Variants in BCR observed in about 807,000 individuals in gnomAD.
The protein encoded by BCR is breakpoint cluster region protein.
Under a neutral mutation model 138.6 loss-of-function variants are expected in BCR, and 58 were observed. The ratio of observed to expected loss-of-function variants is 0.42; its 90% CI spans 0.34 to 0.52. The LOEUF is 0.52. Ranked by LOEUF, BCR falls within the 20% of genes least tolerant of loss-of-function variation. The probability of loss-of-function intolerance (pLI) is 0.06; values close to 1 mark genes in which losing one functional copy is unlikely to be tolerated. For synonymous variants in BCR, 786 were observed against 730.1 expected (o/e 1.08, Z -1.23); for missense variants, 1,599 against 1,727.2 (o/e 0.93, Z 1.32).
intron 1 of BCR, among the ~76,000 whole-genome samples, chr22:23,249,652 C>T (rs961548619): frequency 2.6e-5 from 4 of 151,284 alleles, no homozygotes; most frequent in Non-Finnish European, 5.9e-5. Context: ...TGAAAAACTG[C>T]GTTTTGAAAA....
chr22:23,296,971 C>T (rs1030622297), intron 16 of BCR, among the ~76,000 whole-genome samples: 6 of 152,118 alleles, frequency 3.9e-5, no homozygotes, highest in African/African-American at 2.4e-5. Flanking sequence ...AGTCAAATGA[C>T]GGTCATAGTT....
chr22:23,282,520 G>A (rs1568971783), intron 8 of BCR, among the ~76,000 whole-genome samples: 5 of 152,234 alleles, frequency 3.3e-5, no homozygotes, highest in Admixed American at 2.6e-4. Flanking sequence ...CGGAGGACTG[G>A]CCCAGGCTGT....
chr22:23,187,974 G>A (rs1041637855), intron 1 of BCR, among the ~76,000 whole-genome samples: 7 of 152,148 alleles, frequency 4.6e-5, no homozygotes, highest in Non-Finnish European at 8.8e-5. Context: ...ATGAGTTGGC[G>A]CCAGAGTGAC....
rs2073873551 is a variant in BCR at position 23,298,746 on chromosome 22, C to T, written c.3012+3591C>T. 7.2e-5 allele frequency among the ~76,000 whole-genome samples: 11 copies of T among 152,286 alleles called. No individual in the cohort carries two copies. The South Asian group carries it at 2.3e-3, about 32-fold the overall frequency. ...GAATAGCTGTTATTACAGGCATGTGCCACCACGCCTGGCTAATTTTTTTGT... is the reference window on the plus strand; with the variant it reads ...GAATAGCTGTTATTACAGGCATGTGTCACCACGCCTGGCTAATTTTTTTGT... On this transcript the variant is annotated intron_variant, in intron 16 of 22. Transcript: ENST00000305877.
chr22:23,254,602 G>T (rs767131186), intron 2 of BCR: 2 of 518,958 alleles, frequency 3.9e-6, no homozygotes, highest in Non-Finnish European at 7.7e-6. Context: ...GCCCGGGCTG[G>T]TTGCAGGCTG....
chr22:23,271,585 T>C lies in BCR; in HGVS notation c.1914T>C (p.Ser638=), dbSNP rs772056584. ...KDAKDPTTKN[S]LETLLYKPVD... Reference sequence around the variant, plus strand: ...CCAAGGATCCAACGACCAAGAACTCTCTGGAAAGTGAGTTCTGCATGCTGA... The same window carrying C: ...CCAAGGATCCAACGACCAAGAACTCCCTGGAAAGTGAGTTCTGCATGCTGA... The change falls in exon 6 of 23, where the codon TCT becomes TCC. Residue 638 remains serine (S), a synonymous_variant. Coordinates refer to ENST00000305877, the MANE Select transcript of BCR (RefSeq NM_004327.4). 2.0e-5 allele frequency: 32 copies of C among 1,613,814 alleles called. No individual in the cohort carries two copies. The highest frequency in any genetic ancestry group is 2.7e-5 in the Non-Finnish European group (32 of 1,179,872).
At chr22:23,314,174 T>TTGTCTGCA in intron 21 of BCR, 101 bp downstream of exon 21, 1 of 969,546 alleles carries the variant, frequency 1.0e-6, no homozygotes, top group Non-Finnish European at 1.6e-6. Flanking sequence ...CCTTTTCTCC[T>TTGTCTGCA]GACCCTTGTC....
chr22:23,197,209 G>A (rs5759638), intron 1 of BCR, among the ~76,000 whole-genome samples: 54,623 of 151,984 alleles, frequency 0.36, 11,044 homozygotes, highest in African/African-American at 0.56. Context: ...TATTCAGTAC[G>A]GTAACATGCT....
At chr22:23,258,776 A>G (rs926566553) in intron 2 of BCR, among the ~76,000 whole-genome samples, 37 of 152,250 alleles carry the variant, frequency 2.4e-4, no homozygotes, top group Non-Finnish European at 4.7e-4. Context: ...CTCCGGGCCT[A>G]GATGTCAGCG....
At position 23,315,819 on chromosome 22, in the gene BCR, G is replaced by A. The variant is rs1042660; in HGVS notation, c.*297G>A. The A allele has an allele frequency of 0.019, 9,255 of 490,822 alleles. 144 individuals are homozygous for A. The highest frequency in any genetic ancestry group is 0.05 in the Admixed American group (1,555 of 31,364). 30.4% of individuals were successfully genotyped at this position (490,822 alleles called of 1,614,324 possible). ...CCCTGGGAGACAGGGTGAAGGGAGT[G>A]GTTTTTATGAACTTAACTTAGAGTC... On this transcript the variant is annotated 3_prime_UTR_variant, in exon 23 of 23. Coordinates refer to ENST00000305877, the MANE Select transcript of BCR (RefSeq NM_004327.4).
intron 1 of BCR, among the ~76,000 whole-genome samples, chr22:23,215,032 A>G (rs779879895): frequency 4.6e-5 from 7 of 152,060 alleles, no homozygotes; most frequent in Non-Finnish European, 1.0e-4. Flanking sequence ...ATCCTACTCT[A>G]TGTCTATGAA....
chr22:23,234,788 G>C lies in BCR; in HGVS notation c.1280-19011G>C, dbSNP rs917454355. Among the ~76,000 whole-genome samples the C allele has an allele frequency of 1.4e-5, 2 of 139,580 alleles. 1 individual carries two copies. Among genetic ancestry groups the C allele is most frequent in the Admixed American group, 1.5e-4 (2 of 13,776 alleles). 91.6% of individuals were successfully genotyped at this position (139,580 alleles called of 152,430 possible). On this transcript the variant is annotated intron_variant, in intron 1 of 22. Transcript: ENST00000305877. ...TCCAGACTCCCCAGTCGTGGGCCCT[G>C]ATGCGGGGGTGTGTGTGAGCTGGAG...
rs2072222002 is a variant in BCR, at chr22:23,180,515, T to C, written c.-446T>C. On this transcript the variant is annotated 5_prime_UTR_variant, in exon 1 of 23. Coordinates refer to ENST00000305877, the MANE Select transcript of BCR (RefSeq NM_004327.4). ...GCCCTCCCCTTCCTGCGGCGCAGAGTGCGGGCCGGGCGGGAGTGCGGCGAG... is the reference window on the plus strand; with the variant it reads ...GCCCTCCCCTTCCTGCGGCGCAGAGCGCGGGCCGGGCGGGAGTGCGGCGAG... 1 of 174,906 alleles carries C rather than the reference T, an allele frequency of 5.7e-6. No homozygotes were observed. The highest frequency in any genetic ancestry group is 2.4e-5 in the African/African-American group (1 of 41,474). 10.8% of individuals were successfully genotyped at this position (174,906 alleles called of 1,614,324 possible).
Position 23,242,070 on chromosome 22 carries a change from C to G in BCR, c.1280-11729C>G, listed in dbSNP as rs77601189. ...ACCAAACTGACACCAGGTACATTAA[C>G]AAGAGAAAAGCACACAAATGTCATT... is the stretch of plus-strand genomic sequence containing the variant. On this transcript the variant is annotated intron_variant, in intron 1 of 22. Transcript: ENST00000305877. Among the ~76,000 whole-genome samples the G allele has an allele frequency of 9.4e-3, 1,436 of 152,280 alleles. 30 individuals carry two copies. The highest frequency in any genetic ancestry group is 0.033 in the African/African-American group (1,372 of 41,534).
At chr22:23,287,979 C>A in intron 11 of BCR, 118 bp from the exon 12 acceptor site, 2 of 955,700 alleles carry the variant, frequency 2.1e-6, no homozygotes, top group South Asian at 2.7e-5. Flanking sequence ...GCACACCTGG[C>A]CACTGGGCTC....
In BCR at chr22:23,268,381, C is replaced by A; in HGVS notation, c.1753-27C>A. On this transcript the variant is annotated intron_variant, in intron 4 of 22. Transcript: ENST00000305877. The stretch of plus-strand genomic sequence containing the variant: ...GATGGGGGAGCAGCAGCACCTGTCC[C>A]ACTCTCTCTTCCTTCCTCCCCCTCA... 4 of 1,565,598 alleles carry A rather than the reference C, an allele frequency of 2.6e-6. No homozygotes were observed. The South Asian group carries it at 4.6e-5, about 18-fold the overall frequency.
At chr22:23,251,478 A>C (rs2073228055) in intron 1 of BCR, among the ~76,000 whole-genome samples, 1 of 152,188 alleles carries the variant, frequency 6.6e-6, no homozygotes, top group Non-Finnish European at 1.5e-5. Context: ...TGGGAGAGGG[A>C]GAGGCAGAGG....
intron 1 of BCR, chr22:23,251,270 T>C (rs928629952): frequency 6.6e-6 from 1 of 152,038 alleles, no homozygotes. Flanking sequence ...AGACACCGGG[T>C]TGGGGTCGCT....
At chr22:23,196,720 G>T (rs1396311319) in intron 1 of BCR, among the ~76,000 whole-genome samples, 5 of 152,124 alleles carry the variant, frequency 3.3e-5, no homozygotes, top group Non-Finnish European at 7.3e-5. Flanking sequence ...TAGATCCCTC[G>T]CATACATAAG....
Sources: allele counts gnomAD v4.1 joint callset (sites outside exome capture counted in the v4.1 genomes callset), GRCh38; gene constraint gnomAD v4.1.1; transcripts MANE v1.5; gene names NCBI Gene and HGNC (gene_info 2026-07-23, HGNC 2026-07-21).